Variants in PSD3 observed in about 807,000 individuals in gnomAD.
PSD3 encodes the protein PH and SEC7 domain-containing protein 3.
A neutral mutation model predicts 105.5 loss-of-function variants in PSD3; 49 were observed. The observed-to-expected ratio is 0.46, with a 90% CI of 0.37 to 0.59. The LOEUF is 0.59. Ranked by LOEUF, PSD3 falls within the 20% of genes least tolerant of loss-of-function variation. The pLI is 0.00. For missense variants in PSD3, 1,561 were observed against 1,263.8 expected, an observed-to-expected ratio of 1.24 and a Z score of -3.57; for synonymous variants, 557 against 457.8, an observed-to-expected ratio of 1.22 and a Z score of -2.77.
At chr8:18,796,584 ATT>A (rs1810199505) in intron 8 of PSD3, among the ~76,000 whole-genome samples, 2 of 152,222 alleles carry the variant, frequency 1.3e-5, no homozygotes, top group Admixed American at 1.3e-4. Flanking sequence ...CAAGGCCCAT[ATT>A]AATGCATTCT....
intron 9 of PSD3, among the ~76,000 whole-genome samples, chr8:18,711,225 A>T (rs1275528086): frequency 2.0e-5 from 3 of 152,204 alleles, no homozygotes; most frequent in Admixed American, 2.0e-4. Flanking sequence ...AAGCAACTAC[A>T]TTAACAAGTC....
chr8:18,625,969 T>C (rs1218181508), intron 11 of PSD3, among the ~76,000 whole-genome samples: 1 of 152,144 alleles, frequency 6.6e-6, no homozygotes, highest in Non-Finnish European at 1.5e-5. Flanking sequence ...TACATCATAT[T>C]GAGAAAACTA....
At chr8:18,626,934 T>C (rs1051156227) in intron 11 of PSD3, among the ~76,000 whole-genome samples, 3 of 152,142 alleles carry the variant, frequency 2.0e-5, no homozygotes, top group African/African-American at 7.2e-5. Context: ...CAGTAAATAT[T>C]AGGTCTTAAA....
chr8:18,900,423 C>T (rs1400677336), intron 2 of PSD3, among the ~76,000 whole-genome samples: 1 of 152,060 alleles, frequency 6.6e-6, no homozygotes, highest in East Asian at 1.9e-4. Context: ...CTGCTGGATT[C>T]TTTTATCTTG....
At chr8:18,739,899 C>T (rs1804427172) in intron 9 of PSD3, among the ~76,000 whole-genome samples, 1 of 152,142 alleles carries the variant, frequency 6.6e-6, no homozygotes, top group African/African-American at 2.4e-5. Flanking sequence ...TATTAGAAAT[C>T]AGATGAAAGT....
intron 1 of PSD3, among the ~76,000 whole-genome samples, chr8:18,945,081 C>CACAT (rs371526608): frequency 6.6e-6 from 1 of 152,082 alleles, no homozygotes; most frequent in African/African-American, 2.4e-5. Context: ...CACACACACA[C>CACAT]ACATACGTAC....
In PSD3 at chr8:18,690,684, C is replaced by T. The variant is rs577718563; in HGVS notation, c.2173-34999G>A. On this transcript the variant is annotated intron_variant, in intron 9 of 15. Transcript: ENST00000327040. ...TACCACCTTGATGGACACACCACCG[C>T]TTTCCTAAACGGGACTCAGACCCTT... Among the ~76,000 whole-genome samples the T allele has an allele frequency of 1.4e-4, 21 of 152,330 alleles. No homozygotes were observed. In the South Asian group the frequency reaches 4.1e-3, roughly 30 times the overall value.
At chr8:18,649,712 C>T (rs1808328015) in intron 10 of PSD3, among the ~76,000 whole-genome samples, 2 of 152,194 alleles carry the variant, frequency 1.3e-5, no homozygotes, top group Non-Finnish European at 2.9e-5. Flanking sequence ...ATTGTAATCC[C>T]CACTGTTGGA....
intron 1 of PSD3, among the ~76,000 whole-genome samples, chr8:19,043,372 T>G (rs754437955): frequency 2.0e-5 from 3 of 152,158 alleles, no homozygotes; most frequent in Non-Finnish European, 4.4e-5. Context: ...CTGTTAGTGT[T>G]TTTGGAGGGC....
chr8:18,856,048 C>G (rs926026986), intron 4 of PSD3, among the ~76,000 whole-genome samples: 1 of 152,114 alleles, frequency 6.6e-6, no homozygotes, highest in East Asian at 1.9e-4. Flanking sequence ...ACTCTCAAGT[C>G]CCCAAATCCA....
chr8:18,856,420 G>A (rs372516805), intron 4 of PSD3, among the ~76,000 whole-genome samples: 11 of 152,146 alleles, frequency 7.2e-5, no homozygotes, highest in Admixed American at 2.0e-4. Context: ...GTCCCAAAAC[G>A]TAGAACTTGA....
At position 18,957,329 on chromosome 8, in the gene PSD3, T is replaced by A. The variant is rs186858865; in HGVS notation, c.22-21187A>T. ...GAGGTTATGGTGAGCGGAGATCACG[T>A]CACTGCACTCTAGCCTGGTAACAGA... On this transcript the variant is annotated intron_variant, in intron 1 of 15. Transcript: ENST00000327040. 6.7e-5 allele frequency among the ~76,000 whole-genome samples: 10 copies of A among 149,728 alleles called. No individual in the cohort carries two copies. The East Asian group carries it at 2.0e-3, about 30-fold the overall frequency.
At chr8:18,895,448 A>G (rs1340446010) in intron 2 of PSD3, among the ~76,000 whole-genome samples, 2 of 152,190 alleles carry the variant, frequency 1.3e-5, no homozygotes, top group Admixed American at 1.3e-4. Context: ...TCATGCATTT[A>G]CGCATTTATA....
intron 1 of PSD3, among the ~76,000 whole-genome samples, chr8:19,020,344 G>A (rs930109922): frequency 3.3e-5 from 5 of 152,108 alleles, no homozygotes; most frequent in Admixed American, 2.6e-4. Context: ...ACTGAGAGGT[G>A]AAATTTGAGT....
chr8:18,537,089 A>G (rs1799887725), intron 15 of PSD3, among the ~76,000 whole-genome samples: 1 of 152,192 alleles, frequency 6.6e-6, no homozygotes, highest in Admixed American at 6.5e-5. Flanking sequence ...TGCTTCGTTT[A>G]ACAATGGGAA....
At chr8:18,741,956 T>A (rs1585797227) in intron 9 of PSD3, among the ~76,000 whole-genome samples, 1 of 152,162 alleles carries the variant, frequency 6.6e-6, no homozygotes, top group South Asian at 2.1e-4. Context: ...CAACCAGTAA[T>A]GTATACTTAA....
chr8:18,697,002 C>T (rs75870174), intron 9 of PSD3, among the ~76,000 whole-genome samples: 2,345 of 124,424 alleles, frequency 0.019, 60 homozygotes, highest in African/African-American at 0.065. Context: ...TGCCACTTTG[C>T]GGGGACAACG....
At chr8:18,890,079 G>A (rs1314381672) in intron 2 of PSD3, among the ~76,000 whole-genome samples, 2 of 152,126 alleles carry the variant, frequency 1.3e-5, no homozygotes, top group Non-Finnish European at 2.9e-5. Context: ...CTGACTGCAT[G>A]ATATCGAGTT....
chr8:18,764,315 G>A (rs572535365), intron 9 of PSD3, among the ~76,000 whole-genome samples: 3 of 152,190 alleles, frequency 2.0e-5, no homozygotes, highest in African/African-American at 2.4e-5. Flanking sequence ...TCTTTATCAC[G>A]TCACAATCCT....
Sources: gnomAD v4.1 joint callset for allele counts (sites outside exome capture counted in the v4.1 genomes callset) on GRCh38, gnomAD v4.1.1 for gene constraint, MANE v1.5 for transcripts, NCBI Gene and HGNC (gene_info 2026-07-23, HGNC 2026-07-21) for gene names.